The following CTNNA2 variants were observed in gnomAD, a reference collection of about 807,000 sequenced individuals.
CTNNA2 encodes catenin alpha-2.
A neutral mutation model predicts 101.0 loss-of-function variants in CTNNA2; 42 were observed. The observed-to-expected ratio is 0.42, with a 90% CI of 0.32 to 0.54. The LOEUF is 0.54. Among genes scored for constraint, CTNNA2 ranks in the 20% least tolerant of loss-of-function variants. CTNNA2 has a pLI of 0.14. For synonymous variants in CTNNA2, 450 were observed against 456.4 expected, an observed-to-expected ratio of 0.99 and a Z score of 0.18; for missense variants, 871 against 1,223.1, an observed-to-expected ratio of 0.71 and a Z score of 4.29.
intron 4 of CTNNA2, among the ~76,000 whole-genome samples, chr2:79,467,437 A>C (rs1446316852): frequency 6.6e-6 from 1 of 152,240 alleles, no homozygotes; most frequent in Non-Finnish European, 1.5e-5. Flanking sequence ...AATGGAACCA[A>C]GTTAGAAAAC....
chr2:79,188,598 G>A (rs537032250), intron 1 of CTNNA2, among the ~76,000 whole-genome samples: 38 of 152,308 alleles, frequency 2.5e-4, no homozygotes, highest in African/African-American at 6.7e-4. Flanking sequence ...AGAGAATACC[G>A]TATTCTCAGA....
chr2:79,532,066 A>T (rs72921176), intron 1 of CTNNA2, among the ~76,000 whole-genome samples: 1 of 151,970 alleles, frequency 6.6e-6, no homozygotes, highest in Non-Finnish European at 1.5e-5. Context: ...TCTGTTACAG[A>T]CGCTGGTTTG....
intron 1 of CTNNA2, among the ~76,000 whole-genome samples, chr2:79,543,828 G>T (rs1042475750): frequency 6.6e-6 from 1 of 151,994 alleles, no homozygotes; most frequent in African/African-American, 2.4e-5. Context: ...AAATATTAAA[G>T]AATAAAAAAA....
chr2:80,175,243 A>G (rs1183386587), intron 7 of CTNNA2, among the ~76,000 whole-genome samples: 1 of 152,108 alleles, frequency 6.6e-6, no homozygotes, highest in East Asian at 1.9e-4. Context: ...TCCAGCTCAA[A>G]TGCCCCCATT....
At chr2:79,698,519 G>A (rs972403602) in intron 2 of CTNNA2, among the ~76,000 whole-genome samples, 1 of 152,008 alleles carries the variant, frequency 6.6e-6, no homozygotes, top group South Asian at 2.1e-4. Flanking sequence ...ATGATTATAC[G>A]TGCAATATAA....
intron 3 of CTNNA2, among the ~76,000 whole-genome samples, chr2:79,810,152 C>A (rs1435683074): frequency 6.6e-6 from 1 of 151,952 alleles, no homozygotes; most frequent in African/African-American, 2.4e-5. Flanking sequence ...TGTGTTAGTC[C>A]GTTTTCATGC....
chr2:79,215,411 T>C (rs1674241677), intron 2 of CTNNA2, among the ~76,000 whole-genome samples: 1 of 152,162 alleles, frequency 6.6e-6, no homozygotes, highest in Admixed American at 6.5e-5. Context: ...CTGAGAAATA[T>C]GTTGCTATTT....
chr2:80,101,749 A>G (rs1340053482), intron 7 of CTNNA2, among the ~76,000 whole-genome samples: 3 of 152,126 alleles, frequency 2.0e-5, no homozygotes, highest in Admixed American at 6.5e-5. Flanking sequence ...ATCAGTGTGT[A>G]TTTAAGGGAC....
intron 9 of CTNNA2, among the ~76,000 whole-genome samples, chr2:80,502,040 G>A (rs1228273806): frequency 6.6e-6 from 1 of 152,116 alleles, no homozygotes; most frequent in Non-Finnish European, 1.5e-5. Flanking sequence ...GGAAAACATG[G>A]CTGTGGAGTC....
chr2:79,949,418 C>T (rs1405841775), intron 7 of CTNNA2, among the ~76,000 whole-genome samples: 1 of 152,158 alleles, frequency 6.6e-6, no homozygotes, highest in African/African-American at 2.4e-5. Flanking sequence ...ACCATTTTAA[C>T]TTTCAGAACT....
intron 3 of CTNNA2, among the ~76,000 whole-genome samples, chr2:79,823,256 G>A (rs1015496738): frequency 6.6e-6 from 1 of 152,150 alleles, no homozygotes; most frequent in African/African-American, 2.4e-5. Flanking sequence ...CCAGGTATAG[G>A]TTATAAGTGG....
At chr2:79,670,681 T>A (rs1370359684) in intron 2 of CTNNA2, among the ~76,000 whole-genome samples, 2 of 152,210 alleles carry the variant, frequency 1.3e-5, no homozygotes, top group Non-Finnish European at 2.9e-5. Context: ...AACCTAATAC[T>A]TAGTTTTTGG....
intron 3 of CTNNA2, among the ~76,000 whole-genome samples, chr2:79,359,920 G>C (rs897649197): frequency 9.9e-5 from 15 of 152,132 alleles, no homozygotes; most frequent in Non-Finnish European, 2.1e-4. Context: ...CCCAAGAATA[G>C]AGAGGACTGG....
chr2:79,992,425 G>A (rs775515902), intron 7 of CTNNA2, among the ~76,000 whole-genome samples: 2 of 152,172 alleles, frequency 1.3e-5, no homozygotes, highest in African/African-American at 4.8e-5. Flanking sequence ...ATATATTTTG[G>A]TTAATAGAGC....
At chr2:79,819,830 TACC>T (rs1327018167) in intron 3 of CTNNA2, among the ~76,000 whole-genome samples, 1 of 152,156 alleles carries the variant, frequency 6.6e-6, no homozygotes, top group Non-Finnish European at 1.5e-5. Flanking sequence ...AAGGAAATGA[TACC>T]ACAATTACCC....
At chr2:79,450,647 T>C (rs1670728835) in intron 4 of CTNNA2, among the ~76,000 whole-genome samples, 1 of 152,100 alleles carries the variant, frequency 6.6e-6, no homozygotes, top group African/African-American at 2.4e-5. Flanking sequence ...TCTTGAAAAC[T>C]TCAAAACTTC....
chr2:79,436,725 G>T (rs915902127), intron 4 of CTNNA2, among the ~76,000 whole-genome samples: 2 of 151,786 alleles, frequency 1.3e-5, no homozygotes, highest in African/African-American at 4.8e-5. Context: ...TTCCCCTCCT[G>T]GGTTCACGCC....
chr2:80,118,797 TGTA>T (rs1312737607), intron 7 of CTNNA2, among the ~76,000 whole-genome samples: 2 of 152,240 alleles, frequency 1.3e-5, no homozygotes, highest in Non-Finnish European at 2.9e-5. Flanking sequence ...CAGAAAGGCC[TGTA>T]GGGGCCCAGC....
intron 2 of CTNNA2, among the ~76,000 whole-genome samples, chr2:79,308,841 A>T (rs1251074377): frequency 6.9e-6 from 1 of 145,096 alleles, no homozygotes; most frequent in African/African-American, 2.6e-5. Flanking sequence ...TCTCTATTGC[A>T]TATTTTCTTC....
Sources: allele counts gnomAD v4.1 joint callset (sites outside exome capture counted in the v4.1 genomes callset), GRCh38; gene constraint gnomAD v4.1.1; transcripts MANE v1.5; gene names NCBI Gene and HGNC (gene_info 2026-07-23, HGNC 2026-07-21).